The following PTPRD variants were observed in gnomAD, a reference collection of about 807,000 sequenced individuals.
PTPRD encodes protein tyrosine phosphatase receptor type D.
Under a neutral mutation model 214.5 loss-of-function variants are expected in PTPRD, and 34 were observed. The observed-to-expected ratio is 0.16, with a 90% CI of 0.12 to 0.21. The LOEUF is 0.21. PTPRD is among the 10% of genes least tolerant of loss of function. The pLI is 1.00. For synonymous variants in PTPRD, 1,128 were observed against 845.7 expected, an observed-to-expected ratio of 1.33 and a Z score of -5.79; for missense variants, 2,545 against 2,398.7, an observed-to-expected ratio of 1.06 and a Z score of -1.27.
intron 2 of PTPRD, among the ~76,000 whole-genome samples, chr9:10,396,636 A>C (rs2098175893): frequency 6.6e-6 from 1 of 152,018 alleles, no homozygotes; most frequent in Non-Finnish European, 1.5e-5. Context: ...CTAGTAAAAG[A>C]TTTGATGGAA....
chr9:10,290,527 G>A, intron 3 of PTPRD, among the ~76,000 whole-genome samples: 1 of 152,078 alleles, frequency 6.6e-6, no homozygotes, highest in East Asian at 1.9e-4. Context: ...TCCTCCATAT[G>A]TTTAAAAATT....
At chr9:9,196,492 G>C (rs1379008635) in intron 9 of PTPRD, among the ~76,000 whole-genome samples, 2 of 152,136 alleles carry the variant, frequency 1.3e-5, no homozygotes, top group African/African-American at 4.8e-5. Context: ...TATAAGGAAT[G>C]ATTCAATAAT....
intron 10 of PTPRD, among the ~76,000 whole-genome samples, chr9:9,080,920 T>G (rs2099758095): frequency 6.6e-6 from 1 of 151,996 alleles, no homozygotes; most frequent in Non-Finnish European, 1.5e-5. Context: ...AGCGGTCTAT[T>G]TTGTTAATCT....
chr9:9,862,656 G>C (rs114363658), intron 5 of PTPRD, among the ~76,000 whole-genome samples: 2,764 of 145,370 alleles, frequency 0.019, 81 homozygotes, highest in African/African-American at 0.066. Flanking sequence ...ACTTGTTGTG[G>C]TGTGTTGAGC....
At chr9:8,369,026 A>C (rs754104933) in intron 39 of PTPRD, among the ~76,000 whole-genome samples, 7 of 152,128 alleles carry the variant, frequency 4.6e-5, no homozygotes, top group Non-Finnish European at 1.0e-4. Flanking sequence ...TCCGTAATTT[A>C]CACATAAAGA....
intron 39 of PTPRD, among the ~76,000 whole-genome samples, chr9:8,361,174 CTTCT>C (rs1305359045): frequency 1.3e-5 from 2 of 152,038 alleles, no homozygotes; most frequent in East Asian, 1.9e-4. Context: ...TTTCTATTTT[CTTCT>C]TTCTTCTCAA....
At chr9:9,683,731 T>C (rs1031125472) in intron 7 of PTPRD, among the ~76,000 whole-genome samples, 1 of 151,686 alleles carries the variant, frequency 6.6e-6, no homozygotes, top group Non-Finnish European at 1.5e-5. Context: ...CATAAAAAGG[T>C]AAGAATTCAC....
rs117706507 is a variant in PTPRD at position 10,111,189 on chromosome 9, G to A, written c.-544-77399C>T. On this transcript the variant is annotated intron_variant, in intron 3 of 45. Coordinates refer to ENST00000381196, the MANE Select transcript of PTPRD (RefSeq NM_002839.4). ...ATTTTCCAAATAATTCTATGCAAAT[G>A]AAAATGGTGTTTATAATCTGTGTGC... Among the ~76,000 whole-genome samples the A allele has an allele frequency of 0.017, 2,466 of 144,620 alleles. 174 individuals carry two copies. The East Asian group carries it at 0.19, about 11-fold the overall frequency. 94.9% of individuals were successfully genotyped at this position (144,620 alleles called of 152,430 possible).
intron 10 of PTPRD, among the ~76,000 whole-genome samples, chr9:9,055,600 G>A (rs544643590): frequency 4.6e-5 from 7 of 152,092 alleles, no homozygotes; most frequent in Admixed American, 2.0e-4. Context: ...CAATAATTCA[G>A]GCTCCAATTC....
rs112758362 is a variant in PTPRD at position 10,275,016 on chromosome 9, G to A, written c.-545+65947C>T. Among the ~76,000 whole-genome samples, 1,054 of 152,096 alleles carry A rather than the reference G, an allele frequency of 6.9e-3. 12 individuals carry two copies. The highest frequency in any genetic ancestry group is 0.024 in the African/African-American group (1,006 of 41,504). On this transcript the variant is annotated intron_variant, in intron 3 of 45. Coordinates refer to ENST00000381196, the MANE Select transcript of PTPRD (RefSeq NM_002839.4). ...ATTGCATACATATTTCTGAGTTTAT[G>A]GTACAGTTAAGTAAAAGGGCTTGGA...
chr9:10,464,558 G>C (rs891738049), intron 2 of PTPRD, among the ~76,000 whole-genome samples: 1 of 152,102 alleles, frequency 6.6e-6, no homozygotes, highest in African/African-American at 2.4e-5. Flanking sequence ...CTTTGTGTGT[G>C]TGTGAGGAGA....
Position 10,422,090 on chromosome 9 carries a change from G to A in PTPRD, c.-599-81073C>T, listed in dbSNP as rs142324042. On this transcript the variant is annotated intron_variant, in intron 2 of 45. Transcript: ENST00000381196. ...ACAAGGATACAGTAACCAAAACAGC[G>A]TGGTACTGGTACCAAAACAAGATAT... is the stretch of plus-strand genomic sequence containing the variant. Among the ~76,000 whole-genome samples, 1,451 of 151,936 alleles carry A rather than the reference G, an allele frequency of 9.6e-3. 21 individuals carry two copies. The highest frequency in any genetic ancestry group is 0.032 in the African/African-American group (1,336 of 41,502).
At chr9:9,896,557 T>C (rs1233277450) in intron 5 of PTPRD, among the ~76,000 whole-genome samples, 1 of 152,044 alleles carries the variant, frequency 6.6e-6, no homozygotes, top group Non-Finnish European at 1.5e-5. Flanking sequence ...CTACAATGAT[T>C]GGCAAAAGAA....
At chr9:8,894,690 C>G (rs892391346) in intron 11 of PTPRD, among the ~76,000 whole-genome samples, 2 of 152,256 alleles carry the variant, frequency 1.3e-5, no homozygotes, top group Non-Finnish European at 2.9e-5. Context: ...TATATTGCAA[C>G]AAAGTGTGTG....
At chr9:9,746,755 C>T (rs1005129838) in intron 6 of PTPRD, among the ~76,000 whole-genome samples, 3 of 151,630 alleles carry the variant, frequency 2.0e-5, no homozygotes, top group East Asian at 1.9e-4. Context: ...GTAGGAATGT[C>T]CATCTTGGGT....
intron 10 of PTPRD, among the ~76,000 whole-genome samples, chr9:9,074,721 T>G (rs367922072): frequency 6.6e-6 from 1 of 152,078 alleles, no homozygotes; most frequent in African/African-American, 2.4e-5. Flanking sequence ...TTACTTTTTT[T>G]TTCTGTAGAG....
chr9:8,742,091 C>T (rs140864244), intron 11 of PTPRD, among the ~76,000 whole-genome samples: 6 of 152,128 alleles, frequency 3.9e-5, no homozygotes, highest in African/African-American at 1.4e-4. Flanking sequence ...CTTTTAATAA[C>T]CTATATACAT....
intron 6 of PTPRD, among the ~76,000 whole-genome samples, chr9:9,758,164 T>A (rs1269051092): frequency 4.1e-5 from 5 of 121,126 alleles, no homozygotes; most frequent in East Asian, 3.7e-4. Flanking sequence ...AAAAAAAAAA[T>A]TGTATTCTCC....
intron 9 of PTPRD, among the ~76,000 whole-genome samples, chr9:9,254,426 G>A (rs4552965): frequency 5.9e-5 from 9 of 151,872 alleles, no homozygotes; most frequent in Non-Finnish European, 8.8e-5. Flanking sequence ...ATTGTTTTTC[G>A]TTAGCTTTTT....
Sources: gnomAD v4.1 joint callset for allele counts (sites outside exome capture counted in the v4.1 genomes callset) on GRCh38, gnomAD v4.1.1 for gene constraint, MANE v1.5 for transcripts, NCBI Gene and HGNC (gene_info 2026-07-23, HGNC 2026-07-21) for gene names.